COG5: variants seen among roughly 807,000 people sequenced by gnomAD.
COG5 encodes the protein conserved oligomeric Golgi complex subunit 5.
A neutral mutation model predicts 110.4 loss-of-function variants in COG5; 86 were observed. That is an observed-to-expected ratio of 0.78 (90% CI 0.65 to 0.93). The LOEUF (loss-of-function observed/expected upper bound fraction) is 0.93. Among genes scored for constraint, COG5 ranks in the 40% least tolerant of loss-of-function variants. COG5 has a pLI of 0.00. For synonymous variants in COG5, 360 were observed against 334.6 expected (o/e 1.08, Z -0.83); for missense variants, 1,077 against 987.0 (o/e 1.09, Z -1.22).
intron 7 of COG5, among the ~76,000 whole-genome samples, chr7:107,389,108 C>T (rs781353906): frequency 1.9e-4 from 29 of 152,200 alleles, no homozygotes; most frequent in Admixed American, 5.9e-4. Flanking sequence ...CTCTATTGGG[C>T]TCATATCTTA....
At chr7:107,494,813 TACC>T (rs1271688705) in intron 6 of COG5, among the ~76,000 whole-genome samples, 2 of 152,140 alleles carry the variant, frequency 1.3e-5, no homozygotes, top group African/African-American at 4.8e-5. Context: ...TGGCACTCAC[TACC>T]ACAACTCCCA....
chr7:107,376,735 T>C (rs1814669828), intron 7 of COG5, among the ~76,000 whole-genome samples: 1 of 152,050 alleles, frequency 6.6e-6, no homozygotes, highest in South Asian at 2.1e-4. Context: ...TCATCCCTAA[T>C]ATCAAATGGA....
At chr7:107,559,696 G>A (rs10228531) in intron 1 of COG5, among the ~76,000 whole-genome samples, 3 of 152,184 alleles carry the variant, frequency 2.0e-5, no homozygotes, top group African/African-American at 7.2e-5. Context: ...CTGCTTTTAA[G>A]TCTGAGAACC....
At chr7:107,431,739 C>G (rs1794040511) in intron 6 of COG5, among the ~76,000 whole-genome samples, 1 of 152,078 alleles carries the variant, frequency 6.6e-6, no homozygotes, top group Admixed American at 6.6e-5. Context: ...AAGCTCAAGC[C>G]TCAGGATACT....
chr7:107,209,887 G>C (rs1471441876), intron 21 of COG5: 45 of 985,934 alleles, frequency 4.6e-5, no homozygotes, highest in Admixed American at 6.1e-5. Flanking sequence ...GGAATGTTTG[G>C]TGGCTGAGAG....
chr7:107,247,687 T>G (rs530265670), intron 17 of COG5, among the ~76,000 whole-genome samples: 6 of 152,210 alleles, frequency 3.9e-5, no homozygotes, highest in South Asian at 2.1e-4. Context: ...TCTAATACAC[T>G]GAACCAAAAC....
intron 12 of COG5, among the ~76,000 whole-genome samples, chr7:107,295,102 T>TATATATATATATA (rs1491246038): frequency 1.5e-4 from 6 of 39,820 alleles, no homozygotes; most frequent in African/African-American, 2.6e-4. Flanking sequence ...TATATATATA[T>TATATATATATATA]TTTTTTTTTT....
chr7:107,534,776 C>A lies in COG5; in HGVS notation c.418-7419G>T, dbSNP rs534577408. On this transcript the variant is annotated intron_variant, in intron 5 of 21. Coordinates refer to ENST00000297135, the MANE Select transcript of COG5 (RefSeq NM_006348.5). ...TCAGATCAACGAAACAGAAAATTAA[C>A]AAGGATATTCAGGACTTGAACTCAG... Among the ~76,000 whole-genome samples, 12 of 151,558 alleles carry A rather than the reference C, an allele frequency of 7.9e-5. No individual in the cohort carries two copies. The South Asian group carries it at 2.3e-3, about 29-fold the overall frequency.
intron 12 of COG5, among the ~76,000 whole-genome samples, chr7:107,287,060 G>A (rs28688086): frequency 0.047 from 7,202 of 152,272 alleles, 415 homozygotes; most frequent in African/African-American, 0.13. Context: ...GTGGCCTCTG[G>A]TATGTTTGGA....
chr7:107,339,020 C>G lies in COG5; in HGVS notation c.1027-14499G>C, dbSNP rs572289915. Among the ~76,000 whole-genome samples, 205 of 152,166 alleles carry G rather than the reference C, an allele frequency of 1.3e-3. 7 individuals are homozygous for G. In the South Asian group the frequency reaches 0.04, roughly 30 times the overall value. On this transcript the variant is annotated intron_variant, in intron 10 of 21. Coordinates refer to ENST00000297135, the MANE Select transcript of COG5 (RefSeq NM_006348.5). Reference sequence around the variant, plus strand: ...CTTCATAATAAGCTCAAAACCTCAGCTATCAATATAAACCTTGAATGTAAA... The same window carrying G: ...CTTCATAATAAGCTCAAAACCTCAGGTATCAATATAAACCTTGAATGTAAA...
intron 7 of COG5, among the ~76,000 whole-genome samples, chr7:107,385,548 G>A (rs1391752235): frequency 6.6e-6 from 1 of 152,184 alleles, no homozygotes; most frequent in Non-Finnish European, 1.5e-5. Flanking sequence ...GAATTCTGAT[G>A]TACATTACAA....
intron 10 of COG5, among the ~76,000 whole-genome samples, chr7:107,347,741 T>A (rs977878542): frequency 1.6e-4 from 25 of 152,180 alleles, no homozygotes; most frequent in Non-Finnish European, 1.5e-5. Flanking sequence ...CTTAAAAAAA[T>A]TTTAACATGT....
intron 10 of COG5, among the ~76,000 whole-genome samples, chr7:107,351,165 A>C (rs1400238999): frequency 6.6e-6 from 1 of 152,184 alleles, no homozygotes; most frequent in Admixed American, 6.5e-5. Flanking sequence ...CATATCTACA[A>C]CTATCTGATC....
intron 6 of COG5, among the ~76,000 whole-genome samples, chr7:107,429,459 GTT>G (rs879327523): frequency 7.0e-6 from 1 of 142,594 alleles, no homozygotes; most frequent in Non-Finnish European, 1.5e-5. Context: ...TCTTTGCCCA[GTT>G]TTTTTTTTTT....
intron 1 of COG5, among the ~76,000 whole-genome samples, chr7:107,559,080 G>A (rs1158176586): frequency 6.6e-6 from 1 of 151,770 alleles, no homozygotes; most frequent in Non-Finnish European, 1.5e-5. Context: ...CACAAATACT[G>A]TTATAGCAAA....
At position 107,256,785 on chromosome 7, in the gene COG5, T is replaced by C. The variant is rs1238381029; in HGVS notation, c.1696A>G (p.Ser566Gly). The C allele has an allele frequency of 1.2e-6, 2 of 1,610,174 alleles. No homozygotes were observed. The highest frequency in any genetic ancestry group is 1.7e-6 in the Non-Finnish European group (2 of 1,177,156). The change falls in exon 16 of 22, where the codon AGT (serine) becomes GGT (glycine). Residue 566 changes from serine (S) to glycine (G), a missense_variant. Transcript: ENST00000297135. ...LHQSVTKVVSSQSSFPLAAEQ... is the reference protein window; with the variant it reads ...LHQSVTKVVSGQSSFPLAAEQ... ...GCTGCCAGTGGGAATGAGCTCTGAC[T>C]GGAAACAACCTAGAACAAGGTTTTG...
intron 8 of COG5, among the ~76,000 whole-genome samples, chr7:107,371,458 AAATT>A (rs1465416237): frequency 3.3e-5 from 5 of 152,116 alleles, no homozygotes; most frequent in Non-Finnish European, 5.9e-5. Flanking sequence ...AATCTAAAAA[AAATT>A]AAAAATTAAT....
intron 6 of COG5, among the ~76,000 whole-genome samples, chr7:107,436,843 G>A (rs1175923209): frequency 6.6e-6 from 1 of 152,124 alleles, no homozygotes; most frequent in African/African-American, 2.4e-5. Context: ...AGTGTGCCTT[G>A]TTTAAATAAA....
At chr7:107,416,413 G>C (rs1403884652) in intron 6 of COG5, among the ~76,000 whole-genome samples, 1 of 151,864 alleles carries the variant, frequency 6.6e-6, no homozygotes, top group African/African-American at 2.4e-5. Context: ...CACAGCAACA[G>C]GTAATTCATA....
Sources: gnomAD v4.1 joint callset for allele counts (sites outside exome capture counted in the v4.1 genomes callset) on GRCh38, gnomAD v4.1.1 for gene constraint, MANE v1.5 for transcripts, NCBI Gene and HGNC (gene_info 2026-07-23, HGNC 2026-07-21) for gene names.